The following CNTNAP2 variants were observed in gnomAD, a reference collection of about 807,000 sequenced individuals.
CNTNAP2 encodes contactin-associated protein-like 2.
In CNTNAP2, 98 loss-of-function variants were observed where a neutral mutation model predicts 155.2. The observed-to-expected ratio is 0.63, with a 90% CI of 0.54 to 0.75. The LOEUF (loss-of-function observed/expected upper bound fraction) is 0.75, where lower values mean the gene tolerates loss of function less well. Among genes scored for constraint, CNTNAP2 ranks in the 30% least tolerant of loss-of-function variants. CNTNAP2 has a pLI of 0.00. For missense variants in CNTNAP2, 1,727 were observed against 1,688.1 expected (o/e 1.02, Z -0.40); for synonymous variants, 651 against 631.2 (o/e 1.03, Z -0.47).
intron 18 of CNTNAP2, among the ~76,000 whole-genome samples, chr7:148,209,547 A>G (rs1795508033): frequency 1.3e-5 from 2 of 151,844 alleles, no homozygotes; most frequent in African/African-American, 4.8e-5. Flanking sequence ...AGTCTGTCTT[A>G]ACACTCTTTC....
intron 4 of CNTNAP2, among the ~76,000 whole-genome samples, chr7:147,094,571 T>A (rs940159207): frequency 6.6e-6 from 1 of 151,632 alleles, no homozygotes; most frequent in South Asian, 2.1e-4. Context: ...CTGGCTATTT[T>A]TTTTTTTTGT....
chr7:148,181,525 T>A (rs1795037659), intron 18 of CNTNAP2, among the ~76,000 whole-genome samples: 1 of 152,184 alleles, frequency 6.6e-6, no homozygotes, highest in East Asian at 1.9e-4. Flanking sequence ...TAGAATTTTG[T>A]GGTGGTAAAA....
intron 1 of CNTNAP2, among the ~76,000 whole-genome samples, chr7:146,741,391 T>C (rs1490225641): frequency 6.6e-6 from 1 of 152,158 alleles, no homozygotes; most frequent in African/African-American, 2.4e-5. Context: ...GATATTATCA[T>C]CCACAGGAGA....
intron 18 of CNTNAP2, among the ~76,000 whole-genome samples, chr7:148,181,042 T>C (rs1256709010): frequency 6.6e-6 from 1 of 152,168 alleles, no homozygotes; most frequent in Non-Finnish European, 1.5e-5. Context: ...AACTCCAGGC[T>C]CCCTAGCCTT....
intron 1 of CNTNAP2, among the ~76,000 whole-genome samples, chr7:146,751,894 TGTTA>T (rs1218066645): frequency 4.6e-5 from 7 of 152,090 alleles, no homozygotes. Flanking sequence ...TCGGTTCTTG[TGTTA>T]GTTTGCTGAG....
intron 2 of CNTNAP2, among the ~76,000 whole-genome samples, chr7:146,839,383 T>A (rs1268767101): frequency 1.3e-5 from 2 of 152,210 alleles, no homozygotes; most frequent in Non-Finnish European, 2.9e-5. Flanking sequence ...TCTCATGATT[T>A]TAGCTGAAGA....
intron 21 of CNTNAP2, among the ~76,000 whole-genome samples, chr7:148,332,363 A>G (rs916020364): frequency 2.6e-5 from 4 of 152,126 alleles, no homozygotes; most frequent in African/African-American, 9.7e-5. Context: ...GGATAATAGG[A>G]TATGATGTGA....
intron 15 of CNTNAP2, among the ~76,000 whole-genome samples, chr7:148,108,600 C>A (rs75332109): frequency 3.3e-5 from 5 of 151,424 alleles, no homozygotes; most frequent in Admixed American, 3.3e-4. Flanking sequence ...AGCCAGGCAC[C>A]GAAAACAAAT....
At chr7:147,244,320 A>G (rs1252427288) in intron 8 of CNTNAP2, among the ~76,000 whole-genome samples, 1 of 152,244 alleles carries the variant, frequency 6.6e-6, no homozygotes, top group Non-Finnish European at 1.5e-5. Flanking sequence ...AGCAGCCTTC[A>G]TTAGCCAATA....
intron 1 of CNTNAP2, among the ~76,000 whole-genome samples, chr7:146,621,625 A>T (rs1179396011): frequency 6.6e-6 from 1 of 152,192 alleles, no homozygotes; most frequent in East Asian, 1.9e-4. Flanking sequence ...TTAGAGAAGA[A>T]GATCACAGAT....
chr7:147,220,521 C>T (rs1175282559), intron 8 of CNTNAP2, among the ~76,000 whole-genome samples: 1 of 152,144 alleles, frequency 6.6e-6, no homozygotes, highest in Admixed American at 6.5e-5. Flanking sequence ...AGCATACCAA[C>T]TATACCAATT....
At chr7:147,553,026 C>G (rs1324019024) in intron 11 of CNTNAP2, among the ~76,000 whole-genome samples, 1 of 152,122 alleles carries the variant, frequency 6.6e-6, no homozygotes, top group African/African-American at 2.4e-5. Flanking sequence ...GAGGAGTCAG[C>G]CAACAATGAC....
chr7:148,222,561 T>A (rs1795769537), intron 19 of CNTNAP2, among the ~76,000 whole-genome samples: 4 of 152,222 alleles, frequency 2.6e-5, no homozygotes, highest in Admixed American at 2.6e-4. Flanking sequence ...GATCATTCCA[T>A]GAATCTATGA....
intron 22 of CNTNAP2, among the ~76,000 whole-genome samples, chr7:148,394,461 T>G (rs1266646724): frequency 2.6e-5 from 4 of 152,196 alleles, no homozygotes; most frequent in African/African-American, 9.6e-5. Flanking sequence ...TTTCTGAGTT[T>G]TTTTTCCCAG....
intron 1 of CNTNAP2, among the ~76,000 whole-genome samples, chr7:146,639,462 G>T (rs1799667921): frequency 6.6e-6 from 1 of 152,182 alleles, no homozygotes; most frequent in Non-Finnish European, 1.5e-5. Flanking sequence ...TAGATTCTCT[G>T]ATTATTCCCA....
intron 1 of CNTNAP2, among the ~76,000 whole-genome samples, chr7:146,442,685 T>C (rs1796337302): frequency 6.6e-6 from 1 of 152,140 alleles, no homozygotes; most frequent in South Asian, 2.1e-4. Context: ...AGTCCCCTCC[T>C]GCTCACTTGA....
rs374114622 is a variant in CNTNAP2 at position 147,227,328 on chromosome 7, GA to G, written c.1349-72802del. Among the ~76,000 whole-genome samples the G allele has an allele frequency of 5.6e-3, 825 of 146,220 alleles. 6 individuals are homozygous for G. The highest frequency in any genetic ancestry group is 9.0e-3 in the African/African-American group (362 of 40,022). On this transcript the variant is annotated intron_variant, in intron 8 of 23. Coordinates refer to ENST00000361727, the MANE Select transcript of CNTNAP2 (RefSeq NM_014141.6). ...AATATCTAGACTCTTGTAAGCTACT[GA>G]AAAAAAAAAATGTTGGCCTTTAGTC...
At chr7:146,157,957 C>T (rs372879157) in intron 1 of CNTNAP2, among the ~76,000 whole-genome samples, 10 of 152,152 alleles carry the variant, frequency 6.6e-5, no homozygotes, top group East Asian at 1.9e-4. Context: ...CTCTGACCCC[C>T]GAGTAGCCTA....
intron 1 of CNTNAP2, among the ~76,000 whole-genome samples, chr7:146,454,305 T>A (rs1366445463): frequency 6.6e-6 from 1 of 152,212 alleles, no homozygotes; most frequent in Admixed American, 6.5e-5. Flanking sequence ...TTACCCCCTT[T>A]ACGTATTTCT....
Sources: allele counts gnomAD v4.1 joint callset (sites outside exome capture counted in the v4.1 genomes callset), GRCh38; gene constraint gnomAD v4.1.1; transcripts MANE v1.5; gene names NCBI Gene and HGNC (gene_info 2026-07-23, HGNC 2026-07-21).